The following GRK5 variants were observed in gnomAD, a reference collection of about 807,000 sequenced individuals.
The protein encoded by GRK5 is G protein-coupled receptor kinase 5.
In GRK5, 40 loss-of-function variants were observed where a neutral mutation model predicts 78.4. The ratio of observed to expected loss-of-function variants is 0.51; its 90% confidence interval spans 0.40 to 0.66. GRK5 has a LOEUF of 0.66. Among genes scored for constraint, GRK5 ranks in the 30% least tolerant of loss-of-function variants. The pLI, the probability that GRK5 is intolerant of heterozygous loss-of-function variation, is 0.00. For synonymous variants in GRK5, 289 were observed against 296.8 expected, an observed-to-expected ratio of 0.97 and a Z score of 0.27; for missense variants, 598 against 759.9, an observed-to-expected ratio of 0.79 and a Z score of 2.50.
intron 1 of GRK5, among the ~76,000 whole-genome samples, chr10:119,293,076 T>G (rs6585542): frequency 1.7e-4 from 26 of 152,346 alleles, no homozygotes; most frequent in Admixed American, 1.4e-3. Flanking sequence ...TTTTCCCATC[T>G]TATAAATAAA....
chr10:119,368,232 G>A (rs531152785), intron 2 of GRK5, among the ~76,000 whole-genome samples: 9 of 152,364 alleles, frequency 5.9e-5, no homozygotes, highest in Admixed American at 1.3e-4. Context: ...GGCACTGAGC[G>A]GAAGTAAAGA....
At chr10:119,313,562 C>T (rs1850433781) in intron 1 of GRK5, among the ~76,000 whole-genome samples, 1 of 152,124 alleles carries the variant, frequency 6.6e-6, no homozygotes, top group Non-Finnish European at 1.5e-5. Flanking sequence ...CAGTGACACC[C>T]GCTTACATTG....
intron 1 of GRK5, among the ~76,000 whole-genome samples, chr10:119,255,133 G>A (rs575458564): frequency 3.3e-5 from 5 of 152,208 alleles, no homozygotes; most frequent in African/African-American, 1.2e-4. Context: ...AGGAGGCCAG[G>A]AGATGAGCCA....
intron 2 of GRK5, among the ~76,000 whole-genome samples, chr10:119,376,381 C>T (rs1456025256): frequency 2.0e-5 from 3 of 152,112 alleles, no homozygotes; most frequent in Admixed American, 6.5e-5. Flanking sequence ...CATATCCCCA[C>T]GTGTTGAGTT....
rs1206828698 is a variant in GRK5, at chr10:119,271,358, G to A, written c.53-55158G>A. Among the ~76,000 whole-genome samples the A allele has an allele frequency of 2.6e-5, 4 of 152,256 alleles. No individual in the cohort carries two copies. The highest frequency in any genetic ancestry group is 4.8e-5 in the African/African-American group (2 of 41,474). On this transcript the variant is annotated intron_variant, in intron 1 of 15. Coordinates refer to ENST00000392870, the MANE Select transcript of GRK5 (RefSeq NM_005308.3). This position sits in a 1 kb window ranked among gnomAD's most constrained non-coding sequence, Gnocchi z 4.1. ...CTCCAAGGCAGTTTCTCTTTACCAA[G>A]TTCTCTGCATAGCCTTTTGCCTTCT...
rs11393484 is a variant in GRK5, at chr10:119,237,062, C to CTTT, written c.52+29109_52+29111dup. ...GTCTTCTGTAGTGTATTTGCCTTACCTTTTTTTTTTTTTTTTTTGAGACGG... is the reference window on the plus strand; with the variant it reads ...GTCTTCTGTAGTGTATTTGCCTTACCTTTTTTTTTTTTTTTTTTTTTGAGACGG... On this transcript the variant is annotated intron_variant, in intron 1 of 15. Coordinates refer to ENST00000392870, the MANE Select transcript of GRK5 (RefSeq NM_005308.3). 8.8e-4 allele frequency among the ~76,000 whole-genome samples: 105 copies of CTTT among 119,108 alleles called. 6 individuals carry two copies. Among genetic ancestry groups the CTTT allele is most frequent in the African/African-American group, 2.6e-3 (77 of 29,988 alleles). The allele number at this position is 119,108 out of a possible 152,430, so 78.1% of individuals were successfully genotyped here.
intron 1 of GRK5, among the ~76,000 whole-genome samples, chr10:119,287,684 C>T (rs1270931128): frequency 6.6e-6 from 1 of 152,152 alleles, no homozygotes; most frequent in Non-Finnish European, 1.5e-5. Flanking sequence ...TGGCCTTCCT[C>T]TGGCAAAGTC....
chr10:119,439,640 G>T, intron 9 of GRK5, 91 bp from the exon 10 acceptor site: 1 of 1,236,250 alleles, frequency 8.1e-7, no homozygotes, highest in Non-Finnish European at 1.2e-6. Flanking sequence ...GGCCACTCAG[G>T]CCTGATTAGC....
chr10:119,406,421 A>T (rs1589792552), intron 4 of GRK5: 1 of 984,136 alleles, frequency 1.0e-6, no homozygotes, highest in East Asian at 1.1e-4. Context: ...CCAATTCATG[A>T]TCTCCAGGGC....
chr10:119,442,020 T>G lies in GRK5; in HGVS notation c.989T>G (p.Leu330Arg). The G allele has an allele frequency of 6.2e-7, 1 of 1,613,986 alleles. No homozygotes were observed. The highest frequency in any genetic ancestry group is 8.5e-7 in the Non-Finnish European group (1 of 1,179,920). The change falls in exon 11 of 16, where the codon CTG becomes CGG. Residue 330 changes from leucine to arginine, a missense_variant. Transcript: ENST00000392870. The part of the protein sequence containing the change: ...DDYGHIRISD[L>R]GLAVKIPEGD... ...TCAGGCCACATTAGGATCTCAGACC[T>G]GGGCTTGGCTGTGAAGATCCCCGAG...
intron 4 of GRK5, among the ~76,000 whole-genome samples, chr10:119,408,341 CAAAAAAAAAA>C (rs67973033): frequency 2.1e-5 from 1 of 48,698 alleles, no homozygotes; most frequent in Admixed American, 3.7e-4. Context: ...AACCCTGTCT[CAAAAAAAAAA>C]AAAAAAAAAA....
intron 1 of GRK5, among the ~76,000 whole-genome samples, chr10:119,308,795 G>T (rs1322844304): frequency 6.6e-6 from 1 of 152,272 alleles, no homozygotes; most frequent in African/African-American, 2.4e-5. Context: ...AGGGGGCCAG[G>T]AGGAGGATCT....
At chr10:119,345,353 C>T (rs1176804702) in intron 2 of GRK5, among the ~76,000 whole-genome samples, 2 of 152,180 alleles carry the variant, frequency 1.3e-5, no homozygotes, top group African/African-American at 2.4e-5. Flanking sequence ...CCCAGCCCCG[C>T]AATCCAGCTG....
intron 9 of GRK5, 41 bp downstream of exon 9, chr10:119,436,882 G>C: frequency 3.2e-6 from 5 of 1,543,836 alleles, no homozygotes; most frequent in East Asian, 2.3e-5. Context: ...CTAAGTCCGA[G>C]GGGGTGGGGC....
chr10:119,208,141 T>C (rs1413648771), intron 1 of GRK5, among the ~76,000 whole-genome samples, 172 bp downstream of exon 1: 4 of 152,216 alleles, frequency 2.6e-5, no homozygotes, highest in Non-Finnish European at 5.9e-5. Context: ...GTTCCTGCCT[T>C]GGGGCTCAGA....
chr10:119,259,144 A>C (rs906117462), intron 1 of GRK5, among the ~76,000 whole-genome samples: 2 of 147,470 alleles, frequency 1.4e-5, no homozygotes, highest in Non-Finnish European at 3.0e-5. Context: ...GGCTCACTGC[A>C]AGCTCCGTCT....
chr10:119,328,048 C>T (rs1316068710), intron 2 of GRK5, among the ~76,000 whole-genome samples: 1 of 152,184 alleles, frequency 6.6e-6, no homozygotes, highest in Non-Finnish European at 1.5e-5. Flanking sequence ...TGAACCCAGT[C>T]ATAGGGTGGT....
intron 1 of GRK5, among the ~76,000 whole-genome samples, chr10:119,291,932 T>TTTCCTCCTCCTTTTCCTCCTTCTC (rs1849973176): frequency 1.1e-5 from 1 of 89,406 alleles, no homozygotes; most frequent in Non-Finnish European, 2.2e-5. Flanking sequence ...TCCTCCTTCT[T>TTTCCTCCTCCTTTTCCTCCTTCTC]TTCCTCCTCT....
chr10:119,452,595 A>G lies in GRK5; in HGVS notation c.1405-76A>G, dbSNP rs1157453889. 21 of 1,578,330 alleles carry G rather than the reference A, an allele frequency of 1.3e-5. No individual in the cohort carries two copies. Among genetic ancestry groups the G allele is most frequent in the Non-Finnish European group, 1.7e-5 (20 of 1,156,274 alleles). ...TGGGAAGACTCCCTTCTGCTCCCCA[A>G]AACCCCAAGGCCTGGCTCGGGGCCA... On this transcript the variant is annotated intron_variant, in intron 13 of 15. Transcript: ENST00000392870. The surrounding 1 kb of genome is among the most constrained non-coding windows in gnomAD (Gnocchi z 4.4).
Sources: gnomAD v4.1 joint callset for allele counts (sites outside exome capture counted in the v4.1 genomes callset) on GRCh38, gnomAD v4.1.1 for gene constraint, Gnocchi (gnomAD v3.1) non-coding constraint, MANE v1.5 for transcripts, NCBI Gene and HGNC (gene_info 2026-07-23, HGNC 2026-07-21) for gene names.